The following PPP2R2B variants were observed in gnomAD, a reference collection of about 807,000 sequenced individuals.
PPP2R2B encodes serine/threonine-protein phosphatase 2A 55 kDa regulatory subunit B beta isoform.
Under a neutral mutation model 46.0 loss-of-function variants are expected in PPP2R2B, and 5 were observed. The ratio of observed to expected loss-of-function variants is 0.11; its 90% CI spans 0.06 to 0.23. The LOEUF is 0.23. Ranked by LOEUF, PPP2R2B falls within the 10% of genes least tolerant of loss-of-function variation. The probability of loss-of-function intolerance (pLI) is 1.00; values close to 1 mark genes in which losing one functional copy is unlikely to be tolerated. For synonymous variants in PPP2R2B, 215 were observed against 206.7 expected, an observed-to-expected ratio of 1.04 and a Z score of -0.34; for missense variants, 367 against 575.0, an observed-to-expected ratio of 0.64 and a Z score of 3.70.
intron 2 of PPP2R2B, among the ~76,000 whole-genome samples, chr5:146,701,652 A>G (rs1779546732): frequency 6.6e-6 from 1 of 152,220 alleles, no homozygotes; most frequent in South Asian, 2.1e-4. Context: ...GCCAGTCGAT[A>G]ATTCAAGGAA....
chr5:147,048,706 G>T (rs987371051), intron 1 of PPP2R2B, among the ~76,000 whole-genome samples: 53 of 152,112 alleles, frequency 3.5e-4, no homozygotes, highest in Non-Finnish European at 6.5e-4. Flanking sequence ...GTAATGGAAG[G>T]TCATCCAGCA....
chr5:146,967,832 G>A (rs952663075), intron 1 of PPP2R2B, among the ~76,000 whole-genome samples: 12 of 152,146 alleles, frequency 7.9e-5, no homozygotes, highest in Non-Finnish European at 8.8e-5. Flanking sequence ...CAATTCCCTA[G>A]GGGTACATGG....
At chr5:147,026,242 C>G (rs1418540762) in intron 1 of PPP2R2B, among the ~76,000 whole-genome samples, 1 of 152,074 alleles carries the variant, frequency 6.6e-6, no homozygotes, top group Non-Finnish European at 1.5e-5. Context: ...TATCCATCAA[C>G]AGATAAAGTA....
Position 146,856,245 on chromosome 5 carries a change from C to A in PPP2R2B, c.70+21757G>T, listed in dbSNP as rs956098707. ...TAATTTTATAACCAGTTATATCATCCCCATGTACATTTGGTCAAAATATGT... is the reference window on the plus strand; with the variant it reads ...TAATTTTATAACCAGTTATATCATCACCATGTACATTTGGTCAAAATATGT... On this transcript the variant is annotated intron_variant, in intron 2 of 9. Transcript: ENST00000394411. Among the ~76,000 whole-genome samples the A allele has an allele frequency of 1.3e-5, 2 of 152,104 alleles. No homozygotes were observed. Among genetic ancestry groups the A allele is most frequent in the South Asian group, 2.1e-4 (1 of 4,824 alleles).
upstream of PPP2R2B, among the ~76,000 whole-genome samples, chr5:146,882,013 C>T (rs1762182729): frequency 1.3e-5 from 2 of 152,050 alleles, no homozygotes; most frequent in Admixed American, 1.3e-4. Flanking sequence ...TGTGGTGGCT[C>T]ACACCTGTAA....
At chr5:146,994,872 A>G (rs560818441) in intron 1 of PPP2R2B, among the ~76,000 whole-genome samples, 1 of 152,198 alleles carries the variant, frequency 6.6e-6, no homozygotes, top group Non-Finnish European at 1.5e-5. Context: ...GGATTTTATT[A>G]TTTAATGGGA....
At chr5:147,017,091 C>G (rs1755042301) in intron 1 of PPP2R2B, among the ~76,000 whole-genome samples, 1 of 151,374 alleles carries the variant, frequency 6.6e-6, no homozygotes. Context: ...GGCAAACAAA[C>G]AAAAATGCAC....
intron 5 of PPP2R2B, among the ~76,000 whole-genome samples, chr5:146,658,156 C>T (rs1250379049): frequency 1.3e-5 from 2 of 152,158 alleles, no homozygotes; most frequent in Non-Finnish European, 2.9e-5. Context: ...AAGATGAGAG[C>T]GGAAGTCCTG....
chr5:146,693,296 C>G (rs1778988973), intron 4 of PPP2R2B, among the ~76,000 whole-genome samples: 1 of 152,044 alleles, frequency 6.6e-6, no homozygotes, highest in Non-Finnish European at 1.5e-5. Flanking sequence ...TTCACTGCAG[C>G]CTTGTCTTCC....
chr5:146,884,767 G>T (rs1489351513), intron 1 of PPP2R2B, among the ~76,000 whole-genome samples: 1 of 152,166 alleles, frequency 6.6e-6, no homozygotes, highest in Non-Finnish European at 1.5e-5. Context: ...TAGGTATAAG[G>T]TGAGAATTTC....
upstream of PPP2R2B, among the ~76,000 whole-genome samples, chr5:147,057,877 TAG>T (rs1355979924): frequency 2.0e-5 from 3 of 152,192 alleles, no homozygotes; most frequent in African/African-American, 2.4e-5. Flanking sequence ...AGGATAATAA[TAG>T]AGTCTTAAAC....
intron 2 of PPP2R2B, among the ~76,000 whole-genome samples, chr5:146,853,110 G>A (rs1461769338): frequency 3.3e-5 from 5 of 152,076 alleles, no homozygotes; most frequent in African/African-American, 4.8e-5. Flanking sequence ...GCAAACCCAT[G>A]GTCCAACTTA....
At chr5:147,055,674 G>A in exon 1 of PPP2R2B, 1 of 1,610,766 alleles carries the variant, frequency 6.2e-7, no homozygotes, top group Non-Finnish European at 8.5e-7. Context: ...CCTTCTGTGT[G>A]GCAGCTGGAA....
chr5:146,758,235 G>T, intron 2 of PPP2R2B, among the ~76,000 whole-genome samples: 1 of 152,072 alleles, frequency 6.6e-6, no homozygotes, highest in Middle Eastern at 3.2e-3. Flanking sequence ...TTCAATGATT[G>T]CCCCAAAGGC....
chr5:147,064,916 G>A (rs1757376590), intron 2 of PPP2R2B, among the ~76,000 whole-genome samples: 1 of 152,158 alleles, frequency 6.6e-6, no homozygotes, highest in Non-Finnish European at 1.5e-5. Flanking sequence ...AATTTTCTTG[G>A]AGTATCCTGT....
Position 146,986,814 on chromosome 5 carries a change from G to A in PPP2R2B, c.79+68851C>T, listed in dbSNP as rs150791618. On this transcript the variant is annotated intron_variant, in intron 1 of 8. Coordinates refer to the PPP2R2B transcript ENST00000336640. ...TGTAAGAGTCATTGCCCTTAAAGTC[G>A]GAGTAGAAAAAGAGAAATGGGTGGA... 3.2e-4 allele frequency among the ~76,000 whole-genome samples: 48 copies of A among 152,044 alleles called. No homozygotes were observed. The East Asian group carries it at 6.8e-3, about 21-fold the overall frequency.
chr5:146,978,483 T>C (rs1425046039), intron 1 of PPP2R2B, among the ~76,000 whole-genome samples: 1 of 152,230 alleles, frequency 6.6e-6, no homozygotes, highest in Non-Finnish European at 1.5e-5. Context: ...AGTTTTCTTC[T>C]AGGGCTTTTA....
chr5:146,812,667 GTATA>G (rs1186426182), intron 2 of PPP2R2B, among the ~76,000 whole-genome samples: 8 of 636 alleles, frequency 0.013, no homozygotes, highest in Non-Finnish European at 0.019. Context: ...CCTCAGAAGA[GTATA>G]TATATATATA....
At chr5:147,034,805 A>G (rs1755958998) in intron 1 of PPP2R2B, among the ~76,000 whole-genome samples, 2 of 152,202 alleles carry the variant, frequency 1.3e-5, no homozygotes, top group Admixed American at 6.5e-5. Context: ...GAATGTTTCC[A>G]TTAGTTTCTC....
Sources: allele counts gnomAD v4.1 joint callset (sites outside exome capture counted in the v4.1 genomes callset), GRCh38; gene constraint gnomAD v4.1.1; transcripts MANE v1.5; gene names NCBI Gene and HGNC (gene_info 2026-07-23, HGNC 2026-07-21).